The following STK4 variants were observed in gnomAD, a reference collection of about 807,000 sequenced individuals.
STK4 encodes serine/threonine-protein kinase 4.
Under a neutral mutation model 64.9 loss-of-function variants are expected in STK4, and 30 were observed. The observed-to-expected ratio is 0.46, with a 90% CI of 0.35 to 0.63. The LOEUF is 0.63. STK4 is among the 20% of genes least tolerant of loss of function. STK4 has a pLI of 0.01. For synonymous variants in STK4, 177 were observed against 199.0 expected (o/e 0.89, Z 0.93); for missense variants, 466 against 598.5 (o/e 0.78, Z 2.31).
At chr20:45,020,805 AAT>A (rs1286264386) in intron 9 of STK4, among the ~76,000 whole-genome samples, 1 of 146,208 alleles carries the variant, frequency 6.8e-6, no homozygotes, top group Non-Finnish European at 1.5e-5. Flanking sequence ...ATTATAGTAA[AAT>A]ATACAAGACT....
intron 10 of STK4, among the ~76,000 whole-genome samples, chr20:45,056,745 AAATTT>A (rs1157728308): frequency 2.0e-5 from 3 of 152,194 alleles, no homozygotes; most frequent in African/African-American, 7.2e-5. Context: ...TAAAGAGGGG[AAATTT>A]AATATAATAA....
Position 45,000,508 on chromosome 20 carries a change from T to G in STK4, c.948T>G (p.Asp316Glu). 1 of 1,613,986 alleles carries G rather than the reference T, an allele frequency of 6.2e-7. No homozygotes were observed. The highest frequency in any genetic ancestry group is 8.5e-7 in the Non-Finnish European group (1 of 1,179,916). ...ESQQREVDQDDEENSEEDEMD... is the reference protein window; with the variant it reads ...ESQQREVDQDEEENSEEDEMD... ...AGCAGCGGGAAGTGGACCAGGACGA[T>G]GAAGAAAACTCAGTGAGTGGCAGCC... is the stretch of plus-strand genomic sequence containing the variant. Residue 316 changes from aspartate (D) to glutamate (E), a missense_variant, in exon 8 of 11, where the codon GAT becomes GAG. This residue lies in a region of STK4 where 276 missense variants were observed against 308.9 expected (regional missense o/e 0.89). Coordinates refer to ENST00000372806, the MANE Select transcript of STK4 (RefSeq NM_006282.5).
intron 10 of STK4, among the ~76,000 whole-genome samples, chr20:45,026,287 T>C (rs1326611863): frequency 2.0e-5 from 3 of 151,000 alleles, no homozygotes; most frequent in Non-Finnish European, 1.5e-5. Context: ...GTAAAAAATA[T>C]AAAGCAAAAG....
At chr20:44,967,170 G>A (rs1428455686) in intron 1 of STK4, 1 of 985,236 alleles carries the variant, frequency 1.0e-6, no homozygotes, top group Admixed American at 6.1e-5. Context: ...GATGCTGTTG[G>A]TGGTGTCCCC....
At chr20:44,982,091 G>T (rs2067451173) in intron 4 of STK4, 148 bp downstream of exon 4, 4 of 344,702 alleles carry the variant, frequency 1.2e-5, no homozygotes, top group East Asian at 7.2e-5. Context: ...ATTCTTTTAT[G>T]TCTCCTAAGT....
At chr20:45,014,222 C>T (rs531130838) in intron 9 of STK4, among the ~76,000 whole-genome samples, 8 of 151,956 alleles carry the variant, frequency 5.3e-5, no homozygotes, top group South Asian at 4.2e-4. Context: ...GTCAGGAGTT[C>T]GAGACCAGCC....
At chr20:45,061,900 G>A (rs1239888207) in intron 10 of STK4, among the ~76,000 whole-genome samples, 5 of 130,976 alleles carry the variant, frequency 3.8e-5, no homozygotes, top group African/African-American at 1.5e-4. Flanking sequence ...TTTTGAGATG[G>A]AGTCTTGCTC....
chr20:44,986,633 C>T (rs1352972597), intron 4 of STK4, among the ~76,000 whole-genome samples: 1 of 152,056 alleles, frequency 6.6e-6, no homozygotes, highest in Non-Finnish European at 1.5e-5. Flanking sequence ...AGAAGCCAGT[C>T]GGGAGATTAT....
At chr20:44,986,196 T>C (rs1046207727) in intron 4 of STK4, among the ~76,000 whole-genome samples, 5 of 152,280 alleles carry the variant, frequency 3.3e-5, no homozygotes, top group Middle Eastern at 6.8e-3. Flanking sequence ...ATATGTCAGA[T>C]GGTAGTATAC....
intron 10 of STK4, among the ~76,000 whole-genome samples, chr20:45,045,422 G>A (rs1367456428): frequency 6.6e-6 from 1 of 152,106 alleles, no homozygotes; most frequent in African/African-American, 2.4e-5. Context: ...ATAAGTGTGT[G>A]TGTTTTCTCA....
intron 4 of STK4, among the ~76,000 whole-genome samples, chr20:44,982,943 C>G (rs2067467637): frequency 1.3e-5 from 2 of 151,852 alleles, no homozygotes; most frequent in African/African-American, 4.9e-5. Flanking sequence ...GTTGTGGAGA[C>G]TGGTGGGCTA....
intron 1 of STK4, among the ~76,000 whole-genome samples, chr20:44,970,952 T>C (rs2067234182): frequency 1.3e-5 from 2 of 151,596 alleles, no homozygotes; most frequent in Admixed American, 6.6e-5. Flanking sequence ...ATAATTGATA[T>C]TATCCAGCTA....
intron 5 of STK4, among the ~76,000 whole-genome samples, chr20:44,989,369 A>T (rs2145671458): frequency 6.6e-6 from 1 of 152,234 alleles, no homozygotes; most frequent in Non-Finnish European, 1.5e-5. Context: ...AGTGATGTCG[A>T]CTGTCATTTT....
chr20:44,977,189 T>C (rs1316461611), intron 2 of STK4, among the ~76,000 whole-genome samples: 1 of 152,204 alleles, frequency 6.6e-6, no homozygotes, highest in East Asian at 1.9e-4. Flanking sequence ...TGGCAAAAAG[T>C]ATTTGGTGTA....
At position 45,001,014 on chromosome 20, in the gene STK4, T is replaced by C. The variant is rs565752117; in HGVS notation, c.961-153T>C. 5.3e-5 allele frequency among the ~76,000 whole-genome samples: 8 copies of C among 152,336 alleles called. No homozygotes were observed. The South Asian group carries it at 8.3e-4, about 16-fold the overall frequency. Reference sequence around the variant, plus strand: ...CGTGGATAAATTTGTCTTCTTTGCTTAAGTAACAGCGCTTTCATTTCTGGA... The same window carrying C: ...CGTGGATAAATTTGTCTTCTTTGCTCAAGTAACAGCGCTTTCATTTCTGGA... On this transcript the variant is annotated intron_variant, in intron 8 of 10. Coordinates refer to ENST00000372806, the MANE Select transcript of STK4 (RefSeq NM_006282.5).
intron 10 of STK4, among the ~76,000 whole-genome samples, chr20:45,063,075 C>T (rs1979236050): frequency 8.0e-6 from 1 of 125,284 alleles, no homozygotes; most frequent in Non-Finnish European, 1.6e-5. Flanking sequence ...GTGATCATGG[C>T]TCACTGCAGC....
intron 10 of STK4, among the ~76,000 whole-genome samples, chr20:45,027,450 A>G (rs1036052757): frequency 6.9e-6 from 1 of 145,680 alleles, no homozygotes; most frequent in African/African-American, 2.6e-5. Context: ...AAAAAAAAAA[A>G]GAAGTTAGCA....
At chr20:45,004,182 G>A (rs2145703668) in intron 9 of STK4, among the ~76,000 whole-genome samples, 1 of 151,884 alleles carries the variant, frequency 6.6e-6, no homozygotes. Flanking sequence ...TGCAACCTCT[G>A]CCTTCTGAGT....
chr20:44,988,031 A>G (rs1344307629), intron 5 of STK4, among the ~76,000 whole-genome samples: 1 of 151,236 alleles, frequency 6.6e-6, no homozygotes, highest in Non-Finnish European at 1.5e-5. Flanking sequence ...AGCCTCAGGT[A>G]TTGTAACAGC....
Sources: gnomAD v4.1 joint callset for allele counts (sites outside exome capture counted in the v4.1 genomes callset) on GRCh38, gnomAD v4.1.1 for gene constraint, gnomAD v4.1.1 regional missense constraint, MANE v1.5 for transcripts, NCBI Gene and HGNC (gene_info 2026-07-23, HGNC 2026-07-21) for gene names.